The following LIPC variants were observed in gnomAD, a reference collection of about 807,000 sequenced individuals.
The protein encoded by LIPC is lipase C, hepatic type.
LIPC carries 44 observed loss-of-function variants against 50.7 expected under a neutral mutation model. The ratio of observed to expected loss-of-function variants is 0.87; its 90% CI spans 0.68 to 1.11. LIPC has a LOEUF of 1.11. LIPC is among the 50% of genes most tolerant of loss of function. LIPC has a pLI of 0.00. For missense variants in LIPC, 697 were observed against 648.2 expected (o/e 1.08, Z -0.82); for synonymous variants, 271 against 256.4 (o/e 1.06, Z -0.54).
At chr15:58,493,225 G>C (rs927726673) in intron 1 of LIPC, among the ~76,000 whole-genome samples, 8 of 152,070 alleles carry the variant, frequency 5.3e-5, no homozygotes, top group African/African-American at 1.4e-4. Flanking sequence ...CTAGCAAGGC[G>C]AGGAGGTTCT....
chr15:58,548,609 A>G, intron 6 of LIPC, 37 bp downstream of exon 6: 1 of 1,573,944 alleles, frequency 6.4e-7, no homozygotes, highest in Non-Finnish European at 8.6e-7. Context: ...GAAGGGCAGG[A>G]TGCAGTCCCC....
chr15:58,517,012 C>T (rs1892506697), intron 1 of LIPC, among the ~76,000 whole-genome samples: 1 of 152,194 alleles, frequency 6.6e-6, no homozygotes, highest in African/African-American at 2.4e-5. Context: ...CCTTTTGAGA[C>T]TTGCTTTAAA....
intron 1 of LIPC, chr15:58,533,272 C>T: frequency 1.6e-6 from 1 of 621,436 alleles, no homozygotes; most frequent in Non-Finnish European, 2.0e-6. Context: ...CCTTTCCTCA[C>T]AGCTTATCAT....
chr15:58,497,066 C>T (rs74425284), intron 1 of LIPC, among the ~76,000 whole-genome samples: 2 of 152,198 alleles, frequency 1.3e-5, no homozygotes, highest in East Asian at 1.9e-4. Flanking sequence ...GTAACTGGTT[C>T]CTTGGAGGTG....
intron 1 of LIPC, among the ~76,000 whole-genome samples, chr15:58,459,561 G>T (rs182051858): frequency 2.0e-5 from 3 of 152,224 alleles, no homozygotes; most frequent in East Asian, 1.9e-4. Flanking sequence ...AAAAATAAAC[G>T]AGAGAGAGTC....
chr15:58,474,047 T>C (rs1370145233), intron 1 of LIPC: 1 of 152,266 alleles, frequency 6.6e-6, no homozygotes, highest in Non-Finnish European at 1.5e-5. Context: ...AAAGACGTAC[T>C]GTGAGAAAGT....
At chr15:58,485,677 C>T (rs779358228) in intron 1 of LIPC, among the ~76,000 whole-genome samples, 3 of 152,200 alleles carry the variant, frequency 2.0e-5, no homozygotes, top group Non-Finnish European at 2.9e-5. Flanking sequence ...TATTGCTATG[C>T]CTGTTTTACA....
At chr15:58,475,589 C>T (rs1395577663) in intron 1 of LIPC, among the ~76,000 whole-genome samples, 1 of 152,240 alleles carries the variant, frequency 6.6e-6, no homozygotes, top group African/African-American at 2.4e-5. Flanking sequence ...CACCCCACCA[C>T]TTACCCCTGT....
chr15:58,474,384 G>C (rs1299746048), intron 1 of LIPC, among the ~76,000 whole-genome samples: 1 of 152,060 alleles, frequency 6.6e-6, no homozygotes, highest in African/African-American at 2.4e-5. Flanking sequence ...TGGGCTTGAT[G>C]GTCCCACCTG....
intron 1 of LIPC, among the ~76,000 whole-genome samples, chr15:58,517,144 T>C (rs1241419520): frequency 1.3e-5 from 2 of 152,242 alleles, no homozygotes; most frequent in Non-Finnish European, 2.9e-5. Flanking sequence ...CCTTACTAAG[T>C]CTCCCTTCAA....
chr15:58,441,570 A>C (rs952053057), intron 1 of LIPC, among the ~76,000 whole-genome samples: 11 of 152,154 alleles, frequency 7.2e-5, no homozygotes, highest in African/African-American at 2.7e-4. Context: ...CATCAATTGC[A>C]AGTCAGTTTC....
intron 8 of LIPC, chr15:58,565,456 G>A: frequency 1.4e-6 from 2 of 1,413,212 alleles, no homozygotes; most frequent in Admixed American, 5.8e-5. Context: ...AGAGGGAGGG[G>A]CCTGGCCCTT....
At chr15:58,504,880 C>T (rs1454755074) in intron 1 of LIPC, among the ~76,000 whole-genome samples, 2 of 152,206 alleles carry the variant, frequency 1.3e-5, no homozygotes, top group African/African-American at 4.8e-5. Context: ...CCCTGTTTTA[C>T]ATGGCCTGCC....
intron 1 of LIPC, among the ~76,000 whole-genome samples, chr15:58,510,882 GCA>G (rs1474829808): frequency 2.0e-5 from 3 of 152,378 alleles, no homozygotes; most frequent in African/African-American, 7.2e-5. Flanking sequence ...GCCAAGTAAT[GCA>G]CATTGTTCCA....
chr15:58,524,944 A>C (rs1892758756), intron 1 of LIPC, among the ~76,000 whole-genome samples: 1 of 152,138 alleles, frequency 6.6e-6, no homozygotes, highest in Admixed American at 6.5e-5. Context: ...AGTCTAATTT[A>C]ACAATCTTTT....
At chr15:58,472,559 G>C (rs1273023860) in intron 1 of LIPC, among the ~76,000 whole-genome samples, 1 of 140,154 alleles carries the variant, frequency 7.1e-6, no homozygotes, top group Admixed American at 7.2e-5. Flanking sequence ...CTGGGCAAGA[G>C]AGTGAGACTC....
chr15:58,568,682 T>C, intron 8 of LIPC, 34 bp from the exon 9 acceptor site: 2 of 1,253,634 alleles, frequency 1.6e-6, no homozygotes, highest in Non-Finnish European at 1.2e-6. Flanking sequence ...CACCTAAAAC[T>C]TAATGCTGTG....
chr15:58,515,874 T>C (rs1345497551), intron 1 of LIPC, among the ~76,000 whole-genome samples: 1 of 152,000 alleles, frequency 6.6e-6, no homozygotes, highest in Non-Finnish European at 1.5e-5. Flanking sequence ...TGAGGGAAAA[T>C]ATGTATTCAG....
intron 1 of LIPC, among the ~76,000 whole-genome samples, chr15:58,529,468 C>T (rs1025491756): frequency 3.3e-5 from 5 of 152,250 alleles, no homozygotes; most frequent in Admixed American, 3.3e-4. Context: ...GTTTTTACTA[C>T]CCTGGTCACC....
Sources: allele counts gnomAD v4.1 joint callset (sites outside exome capture counted in the v4.1 genomes callset), GRCh38; gene constraint gnomAD v4.1.1; transcripts MANE v1.5; gene names NCBI Gene and HGNC (gene_info 2026-07-23, HGNC 2026-07-21).